Variants in DNAH7 observed in about 807,000 individuals in gnomAD.
DNAH7 encodes dynein axonemal heavy chain 7, also known as axonemal beta dynein heavy chain 7.
A neutral mutation model predicts 444.6 loss-of-function variants in DNAH7; 397 were observed. The ratio of observed to expected loss-of-function variants is 0.89; its 90% CI spans 0.82 to 0.97. The LOEUF is 0.97. Ranked by LOEUF, DNAH7 falls within the 50% of genes least tolerant of loss-of-function variation. The pLI, the probability that DNAH7 is intolerant of heterozygous loss-of-function variation, is 0.00. For synonymous variants in DNAH7, 1,636 were observed against 1,624.4 expected (o/e 1.01, Z -0.17); for missense variants, 4,902 against 4,800.8 (o/e 1.02, Z -0.62).
In DNAH7 at chr2:195,958,760, G is replaced by C. The variant is rs191071143; in HGVS notation, c.2892-1313C>G. On this transcript the variant is annotated intron_variant, in intron 18 of 64. Coordinates refer to ENST00000312428, the MANE Select transcript of DNAH7 (RefSeq NM_018897.3). ...ACAAGTACATTTCTAAGGTCTCTAT[G>C]TGTTTAGTCCATTATCATGTCAACC... Among the ~76,000 whole-genome samples, 103 of 152,254 alleles carry C rather than the reference G, an allele frequency of 6.8e-4. 1 individual carries two copies. Among genetic ancestry groups the C allele is most frequent in the African/African-American group, 2.4e-3 (98 of 41,550 alleles).
At chr2:196,068,547 AG>A in intron 1 of DNAH7, 149 bp downstream of exon 1, 1 of 1,042,538 alleles carries the variant, frequency 9.6e-7, no homozygotes, top group South Asian at 1.7e-5. Context: ...GAAAGCGCTC[AG>A]TAACCCAGGC....
intron 17 of DNAH7, among the ~76,000 whole-genome samples, chr2:195,969,402 C>T (rs895473254): frequency 2.6e-5 from 4 of 152,148 alleles, no homozygotes; most frequent in African/African-American, 4.8e-5. Flanking sequence ...ATATAAAATA[C>T]AATTAAACTC....
At chr2:195,912,848 T>A (rs539928236) in intron 24 of DNAH7, among the ~76,000 whole-genome samples, 1 of 152,266 alleles carries the variant, frequency 6.6e-6, no homozygotes, top group Admixed American at 6.5e-5. Context: ...GGGATAAAAA[T>A]AGCTAAAAAT....
At chr2:195,990,449 G>A (rs1693221778) in intron 12 of DNAH7, among the ~76,000 whole-genome samples, 1 of 152,016 alleles carries the variant, frequency 6.6e-6, no homozygotes, top group Non-Finnish European at 1.5e-5. Context: ...GATCACTTGA[G>A]CCCAGGAGCT....
At chr2:195,801,644 G>C (rs919763343) in intron 54 of DNAH7, among the ~76,000 whole-genome samples, 2 of 152,130 alleles carry the variant, frequency 1.3e-5, no homozygotes, top group Non-Finnish European at 2.9e-5. Flanking sequence ...CAAACTGCAG[G>C]AGCAATGTGC....
intron 49 of DNAH7, among the ~76,000 whole-genome samples, chr2:195,820,299 G>A (rs186429055): frequency 2.6e-4 from 39 of 151,718 alleles, no homozygotes; most frequent in Non-Finnish European, 3.8e-4. Flanking sequence ...CTGTTGGGGG[G>A]TATGAGGCAA....
intron 29 of DNAH7, among the ~76,000 whole-genome samples, chr2:195,896,245 G>GT (rs1216445308): frequency 6.6e-6 from 1 of 152,012 alleles, no homozygotes; most frequent in Non-Finnish European, 1.5e-5. Context: ...GTGATATTTT[G>GT]TTACGGTTTT....
intron 21 of DNAH7, among the ~76,000 whole-genome samples, 174 bp downstream of exon 21, chr2:195,934,417 T>C (rs535885445): frequency 6.6e-6 from 1 of 152,352 alleles, no homozygotes; most frequent in African/African-American, 2.4e-5. Flanking sequence ...AGTGAGTCAC[T>C]ACAAAATTAC....
intron 19 of DNAH7, among the ~76,000 whole-genome samples, chr2:195,949,405 T>C (rs1559260842): frequency 6.6e-6 from 1 of 152,140 alleles, no homozygotes; most frequent in Non-Finnish European, 1.5e-5. Flanking sequence ...TGTCTTCGCT[T>C]CCTGAGTAGC....
chr2:196,006,950 TAAA>T (rs1245374215), intron 10 of DNAH7, among the ~76,000 whole-genome samples: 1 of 152,044 alleles, frequency 6.6e-6, no homozygotes, highest in Non-Finnish European at 1.5e-5. Flanking sequence ...TGAAATAAAT[TAAA>T]GAAGAACTAA....
chr2:195,864,539 A>G lies in DNAH7; in HGVS notation c.7116T>C (p.Asp2372=), dbSNP rs370001187. ...VFQVEISKGY[D]TTEWHEDLKV... is the part of the protein sequence containing the mutation. ...TTAAATCTTCATGCCATTCAGTAGT[A>G]TCATACCCCTTAGAGATTTCAACTT... The change falls in exon 41 of 65, where the codon GAT becomes GAC. Residue 2372 remains aspartate (D), a synonymous_variant. Transcript: ENST00000312428. 2.5e-4 allele frequency: 400 copies of G among 1,614,036 alleles called. No homozygotes were observed. The highest frequency in any genetic ancestry group is 3.1e-4 in the Non-Finnish European group (369 of 1,180,046).
At chr2:195,900,611 G>T in intron 27 of DNAH7, 117 bp from the exon 28 acceptor site, 4 of 909,100 alleles carry the variant, frequency 4.4e-6, no homozygotes, top group Non-Finnish European at 6.7e-6. Context: ...TTATCTCATA[G>T]AAGTAGAGAG....
In DNAH7 at chr2:195,808,847, T is replaced by C. The variant is rs767326422; in HGVS notation, c.9918A>G (p.Leu3306=). 1.2e-6 allele frequency: 2 copies of C among 1,613,634 alleles called. No homozygotes were observed. Among genetic ancestry groups the C allele is most frequent in the East Asian group, 2.2e-5 (1 of 44,844 alleles). Reference sequence around the variant, plus strand: ...GATTATCCAGTCCAATGCCACCAGTTAGCAGAAATCTCCACTCAGCTTTAT... The same window carrying C: ...GATTATCCAGTCCAATGCCACCAGTCAGCAGAAATCTCCACTCAGCTTTAT... ...AINKAEWRFL[L]TGGIGLDNPY... Residue 3306 remains leucine (L), a synonymous_variant, in exon 53 of 65, where the codon CTA becomes CTG. Transcript: ENST00000312428.
intron 58 of DNAH7, among the ~76,000 whole-genome samples, chr2:195,778,743 TATA>T (rs1385485050): frequency 3.1e-5 from 4 of 129,908 alleles, no homozygotes; most frequent in Non-Finnish European, 6.4e-5. Flanking sequence ...CATATATATA[TATA>T]ATAAAACTCA....
At chr2:195,965,785 A>C (rs1691432414) in intron 17 of DNAH7, among the ~76,000 whole-genome samples, 1 of 152,110 alleles carries the variant, frequency 6.6e-6, no homozygotes, top group Admixed American at 6.5e-5. Context: ...ATTGAGCCTT[A>C]GAGTTTCTAC....
Position 195,771,665 on chromosome 2 carries a change from T to C in DNAH7, c.11428A>G (p.Ile3810Val), listed in dbSNP as rs1334046091. 2.5e-6 allele frequency: 4 copies of C among 1,611,230 alleles called. No individual in the cohort carries two copies. Among genetic ancestry groups the C allele is most frequent in the Non-Finnish European group, 3.4e-6 (4 of 1,177,514 alleles). ...RDSCVNIQKA[I>V]KGLAVMSTDL... The stretch of plus-strand genomic sequence containing the variant: ...TTTGGTGTTTTTCACCTTACCTTGA[T>C]TGCTTTTTGAATATTTACGCACGAA... The change falls in exon 61 of 65, where the codon ATC becomes GTC. Residue 3810 changes from isoleucine to valine, a missense_variant. By Grantham distance (29) the Ile-to-Val change is conservative (BLOSUM62 3). Transcript: ENST00000312428.
intron 60 of DNAH7, among the ~76,000 whole-genome samples, chr2:195,772,173 C>T (rs1415645821): frequency 6.6e-6 from 1 of 152,086 alleles, no homozygotes; most frequent in Admixed American, 6.6e-5. Flanking sequence ...TGCCAGGGTA[C>T]AGGGGGAGTT....
At chr2:195,889,039 C>G in intron 31 of DNAH7, 58 bp from the exon 32 acceptor site, 1 of 1,462,070 alleles carries the variant, frequency 6.8e-7, no homozygotes, top group Non-Finnish European at 9.4e-7. Context: ...TATAAAGAAA[C>G]AGTTCAATAA....
chr2:195,945,481 C>T (rs997830748), intron 19 of DNAH7, among the ~76,000 whole-genome samples: 3 of 152,284 alleles, frequency 2.0e-5, no homozygotes, highest in East Asian at 3.9e-4. Flanking sequence ...TCTTCCTTGA[C>T]AGCAGAAATA....
Sources: allele counts gnomAD v4.1 joint callset (sites outside exome capture counted in the v4.1 genomes callset), GRCh38; gene constraint gnomAD v4.1.1; transcripts MANE v1.5; gene names NCBI Gene and HGNC (gene_info 2026-07-23, HGNC 2026-07-21).